Variants in KCNU1 observed in about 807,000 individuals in gnomAD.
KCNU1 encodes potassium channel subfamily U member 1.
Under a neutral mutation model 126.8 loss-of-function variants are expected in KCNU1, and 93 were observed. The observed-to-expected ratio is 0.73, with a 90% confidence interval of 0.62 to 0.87. The LOEUF is 0.87. KCNU1 is among the 40% of genes least tolerant of loss of function. The pLI, the probability that KCNU1 is intolerant of heterozygous loss-of-function variation, is 0.00. For synonymous variants in KCNU1, 523 were observed against 494.2 expected (o/e 1.06, Z -0.77); for missense variants, 1,330 against 1,367.1 (o/e 0.97, Z 0.43).
At chr8:36,841,031 G>GTTT (rs372102596) in intron 16 of KCNU1, 28 bp downstream of exon 16, 53 of 618,792 alleles carry the variant, frequency 8.6e-5, no homozygotes, top group Non-Finnish European at 1.3e-4. Context: ...CATCTCTTCA[G>GTTT]TTGTTTTTTT....
At chr8:36,905,056 G>A (rs767911389) in intron 19 of KCNU1, among the ~76,000 whole-genome samples, 3 of 152,096 alleles carry the variant, frequency 2.0e-5, no homozygotes, top group Non-Finnish European at 2.9e-5. Context: ...TTTTTCAAAA[G>A]AACATCCAAC....
intron 19 of KCNU1, among the ~76,000 whole-genome samples, chr8:36,899,648 A>G (rs143304210): frequency 4.0e-4 from 61 of 152,256 alleles, no homozygotes; most frequent in Admixed American, 3.8e-3. Context: ...GAGAGGTTGA[A>G]GAATACATAG....
chr8:36,793,501 G>GA (rs998091299), intron 2 of KCNU1, among the ~76,000 whole-genome samples: 1 of 151,796 alleles, frequency 6.6e-6, no homozygotes, highest in African/African-American at 2.4e-5. Flanking sequence ...ATTCAATCCA[G>GA]AAAAAAATAT....
At chr8:36,876,451 T>C (rs1486873462) in intron 19 of KCNU1, among the ~76,000 whole-genome samples, 1 of 152,216 alleles carries the variant, frequency 6.6e-6, no homozygotes, top group Non-Finnish European at 1.5e-5. Context: ...AACATGTTTG[T>C]ATAATTACAC....
At chr8:36,812,255 C>A (rs1803746453) in intron 7 of KCNU1, among the ~76,000 whole-genome samples, 1 of 151,664 alleles carries the variant, frequency 6.6e-6, no homozygotes, top group South Asian at 2.1e-4. Context: ...TGGCAGGCAC[C>A]TGCAATCCCA....
At chr8:36,826,626 T>G (rs1804335186) in intron 10 of KCNU1, among the ~76,000 whole-genome samples, 1 of 152,258 alleles carries the variant, frequency 6.6e-6, no homozygotes, top group African/African-American at 2.4e-5. Flanking sequence ...GCTCTTTTTA[T>G]GTGTTTAATC....
chr8:36,881,814 A>G (rs1423249585), intron 19 of KCNU1, among the ~76,000 whole-genome samples: 2 of 151,000 alleles, frequency 1.3e-5, no homozygotes, highest in Non-Finnish European at 3.0e-5. Flanking sequence ...ACACACACAC[A>G]CACACACACA....
In KCNU1 at chr8:36,921,659, G is replaced by GA. The variant is rs58109120; in HGVS notation, c.2597-810dup. Among the ~76,000 whole-genome samples the GA allele has an allele frequency of 6.8e-3, 666 of 97,718 alleles. 2 individuals are homozygous for GA. The highest frequency in any genetic ancestry group is 0.011 in the Non-Finnish European group (556 of 49,018). The allele number at this position is 97,718 out of a possible 152,430, so 64.1% of individuals were successfully genotyped here. A position where few individuals can be genotyped will look rare whatever the true frequency, so the allele number is the denominator to read the frequency against. On this transcript the variant is annotated intron_variant, in intron 23 of 26. Coordinates refer to ENST00000399881, the MANE Select transcript of KCNU1 (RefSeq NM_001031836.3). ...TGGGCAGCCTGGGCGATGAAGTGAG[G>GA]AAAAAAAAAAAAAAAAAAAAAGAAG... is the stretch of plus-strand genomic sequence containing the variant.
At chr8:36,902,873 A>G (rs759475263) in intron 19 of KCNU1, among the ~76,000 whole-genome samples, 9 of 152,090 alleles carry the variant, frequency 5.9e-5, no homozygotes, top group Admixed American at 1.3e-4. Context: ...TTATAGATAG[A>G]TATTTAAGTT....
At chr8:36,792,510 C>A (rs1040792066) in intron 2 of KCNU1, among the ~76,000 whole-genome samples, 6 of 152,172 alleles carry the variant, frequency 3.9e-5, no homozygotes, top group African/African-American at 1.4e-4. Context: ...TGGAACAGTT[C>A]TCCAACTTTC....
At chr8:36,844,790 T>C (rs1272508362) in intron 16 of KCNU1, among the ~76,000 whole-genome samples, 2 of 152,154 alleles carry the variant, frequency 1.3e-5, no homozygotes, top group African/African-American at 4.8e-5. Context: ...GAACTTCCGT[T>C]CTGCAAAAAA....
chr8:36,814,466 A>G lies in KCNU1; in HGVS notation c.903+89A>G. ...TAATCAATGAAACAATATAGGTTTA[A>G]GAGTGAATGTTGCATTACTTGGGGC... On this transcript the variant is annotated intron_variant, in intron 8 of 26. Coordinates refer to ENST00000399881, the MANE Select transcript of KCNU1 (RefSeq NM_001031836.3). The G allele has an allele frequency of 4.2e-6, 4 of 952,912 alleles. No individual in the cohort carries two copies. The South Asian group carries it at 6.1e-5, about 15-fold the overall frequency. 59.0% of individuals were successfully genotyped at this position (952,912 alleles called of 1,614,324 possible).
At chr8:36,876,578 A>G (rs1163588793) in intron 19 of KCNU1, among the ~76,000 whole-genome samples, 1 of 152,096 alleles carries the variant, frequency 6.6e-6, no homozygotes, top group African/African-American at 2.4e-5. Context: ...AGGCATTCCT[A>G]ATGAGGTGCT....
At chr8:36,878,008 T>C (rs771941558) in intron 19 of KCNU1, among the ~76,000 whole-genome samples, 9 of 152,166 alleles carry the variant, frequency 5.9e-5, no homozygotes, top group Non-Finnish European at 1.3e-4. Context: ...TCCAAGAATA[T>C]TCCAAAACTC....
rs10522369 is a variant in KCNU1, at chr8:36,881,796, TCACACACACACACACACACACACA to T, written c.2009+17300_2009+17323del. Among the ~76,000 whole-genome samples, 5 of 138,930 alleles carry T rather than the reference TCACACACACACACACACACACACA, an allele frequency of 3.6e-5. No homozygotes were observed. The East Asian group carries it at 8.7e-4, about 24-fold the overall frequency. The allele number at this position is 138,930 out of a possible 152,430, so 91.1% of individuals were successfully genotyped here. ...CATGGTGTTGCTGGGAAAAGTCAAA[TCACACACACACACACACACACACA>T]CACACACACACACACACACACACAT... On this transcript the variant is annotated intron_variant, in intron 19 of 26. Transcript: ENST00000399881.
chr8:36,855,083 G>A (rs1260841441), intron 18 of KCNU1, among the ~76,000 whole-genome samples: 3 of 152,050 alleles, frequency 2.0e-5, no homozygotes, highest in Non-Finnish European at 4.4e-5. Context: ...TTTTCTGCTT[G>A]TATGAAACCT....
chr8:36,791,602 T>A (rs937698981), intron 2 of KCNU1, among the ~76,000 whole-genome samples: 1 of 152,126 alleles, frequency 6.6e-6, no homozygotes, highest in Non-Finnish European at 1.5e-5. Context: ...CAACAACAGT[T>A]TTCAACCTTA....
chr8:36,933,094 T>C, intron 26 of KCNU1, 62 bp downstream of exon 26: 2 of 1,029,876 alleles, frequency 1.9e-6, no homozygotes, highest in South Asian at 1.4e-5. Context: ...AAAGCTACTT[T>C]ATTCAATGTG....
At chr8:36,878,080 A>G (rs1806337394) in intron 19 of KCNU1, among the ~76,000 whole-genome samples, 1 of 152,186 alleles carries the variant, frequency 6.6e-6, no homozygotes, top group African/African-American at 2.4e-5. Flanking sequence ...ACATCCCAAC[A>G]ATATCTAGCT....
Sources: allele counts gnomAD v4.1 joint callset (sites outside exome capture counted in the v4.1 genomes callset), GRCh38; gene constraint gnomAD v4.1.1; transcripts MANE v1.5; gene names NCBI Gene and HGNC (gene_info 2026-07-23, HGNC 2026-07-21).